Variants in GRIP1 observed in about 807,000 individuals in gnomAD.
The protein encoded by GRIP1 is glutamate receptor-interacting protein 1.
Under a neutral mutation model 129.9 loss-of-function variants are expected in GRIP1, and 45 were observed. The ratio of observed to expected loss-of-function variants is 0.35; its 90% CI spans 0.27 to 0.44. GRIP1 has a LOEUF of 0.44. Among genes scored for constraint, GRIP1 ranks in the 20% least tolerant of loss-of-function variants. The probability of loss-of-function intolerance (pLI) is 1.00; values close to 1 mark genes in which losing one functional copy is unlikely to be tolerated. For synonymous variants in GRIP1, 530 were observed against 520.8 expected, an observed-to-expected ratio of 1.02 and a Z score of -0.24; for missense variants, 1,196 against 1,396.8, an observed-to-expected ratio of 0.86 and a Z score of 2.29.
At chr12:66,452,517 C>T (rs1458520261) in intron 11 of GRIP1, among the ~76,000 whole-genome samples, 2 of 152,146 alleles carry the variant, frequency 1.3e-5, no homozygotes, top group Non-Finnish European at 2.9e-5. Context: ...GAGAAGATTT[C>T]ATTTTTTTTC....
intron 2 of GRIP1, among the ~76,000 whole-genome samples, chr12:66,555,190 T>G (rs892911796): frequency 3.3e-5 from 5 of 152,146 alleles, no homozygotes; most frequent in Non-Finnish European, 5.9e-5. Context: ...CATCTCCAGG[T>G]GGCTCAGCAC....
At chr12:66,849,490 C>T (rs2039874227) in intron 1 of GRIP1, among the ~76,000 whole-genome samples, 1 of 152,078 alleles carries the variant, frequency 6.6e-6, no homozygotes, top group Non-Finnish European at 1.5e-5. Context: ...TGGCTCATTC[C>T]TGTAATCCAA....
chr12:66,474,256 T>C (rs1014567879), intron 7 of GRIP1, among the ~76,000 whole-genome samples: 2 of 151,658 alleles, frequency 1.3e-5, no homozygotes, highest in African/African-American at 4.8e-5. Flanking sequence ...CTTAATGAAA[T>C]AAAGTGTGAA....
At chr12:66,682,107 T>C (rs1437185033), upstream of GRIP1, among the ~76,000 whole-genome samples, 1 of 152,164 alleles carries the variant, frequency 6.6e-6, no homozygotes, top group East Asian at 1.9e-4. Context: ...TCTCCTCTTG[T>C]TTTTCACTGC....
intron 1 of GRIP1, among the ~76,000 whole-genome samples, chr12:66,701,549 A>G (rs2035354507): frequency 6.6e-6 from 1 of 152,172 alleles, no homozygotes; most frequent in African/African-American, 2.4e-5. Flanking sequence ...AATAACTGCA[A>G]GCTCTTTAGG....
Position 66,371,877 on chromosome 12 carries a change from T to C in GRIP1, c.2829A>G (p.Thr943=), listed in dbSNP as rs746580342. 92 of 1,613,246 alleles carry C rather than the reference T, an allele frequency of 5.7e-5. No homozygotes were observed. Among genetic ancestry groups the C allele is most frequent in the Non-Finnish European group, 7.5e-5 (88 of 1,179,964 alleles). The change falls in exon 23 of 25, where the codon ACA becomes ACG. Residue 943 remains threonine, a synonymous_variant. Coordinates refer to ENST00000359742, the MANE Select transcript of GRIP1 (RefSeq NM_001366722.1). ...CCTGTCGCCCCAGCTGACTGCGAGG[T>C]GTTGGAGCCTCATGATTCAAACTCA... ...STMSLNHEAP[T]PRSQLGRQAS... is the part of the protein sequence containing the mutation.
intron 1 of GRIP1, among the ~76,000 whole-genome samples, chr12:66,947,139 G>A (rs2041685358): frequency 6.6e-6 from 1 of 152,062 alleles, no homozygotes; most frequent in South Asian, 2.1e-4. Context: ...TTAGACGGAG[G>A]CAGACAGGAA....
chr12:66,834,007 C>T (rs1023004910), intron 1 of GRIP1, among the ~76,000 whole-genome samples: 19 of 151,922 alleles, frequency 1.3e-4, no homozygotes, highest in African/African-American at 4.6e-4. Context: ...GAAACCCCGT[C>T]TCTACTAAAA....
intron 1 of GRIP1, among the ~76,000 whole-genome samples, chr12:66,917,388 A>G (rs1342642566): frequency 6.6e-6 from 1 of 152,200 alleles, no homozygotes; most frequent in Non-Finnish European, 1.5e-5. Context: ...CACTTCCCTC[A>G]ATCCAGGAAT....
intron 1 of GRIP1, among the ~76,000 whole-genome samples, chr12:66,829,676 C>T (rs1383399226): frequency 6.6e-6 from 1 of 152,120 alleles, no homozygotes; most frequent in Non-Finnish European, 1.5e-5. Context: ...AGTAGATTCC[C>T]ATTTGTGTGG....
rs529695665 is a variant in GRIP1, at chr12:66,909,520, G to A, written c.58+159530C>T. ...AAAGATGTTTTCATTATCAGCTCAC[G>A]TGGTCAGTTTAAGGCTTCTTCCCTG... On this transcript the variant is annotated intron_variant, in intron 1 of 1. Transcript: ENST00000643019. Among the ~76,000 whole-genome samples the A allele has an allele frequency of 7.4e-4, 113 of 152,304 alleles. 1 individual carries two copies. The highest frequency in any genetic ancestry group is 1.7e-3 in the East Asian group (9 of 5,188).
chr12:67,054,730 C>T (rs984422458), intron 1 of GRIP1, among the ~76,000 whole-genome samples: 1 of 150,734 alleles, frequency 6.6e-6, no homozygotes, highest in African/African-American at 2.5e-5. Flanking sequence ...CACCACTGCA[C>T]TCCAGACTGG....
intron 2 of GRIP1, among the ~76,000 whole-genome samples, chr12:66,546,573 G>A (rs182960853): frequency 1.6e-4 from 25 of 152,238 alleles, no homozygotes; most frequent in East Asian, 9.6e-4. Context: ...CCCAGGAATA[G>A]ACTCGCACAA....
At chr12:66,795,859 G>T (rs1233930934) in intron 1 of GRIP1, among the ~76,000 whole-genome samples, 1 of 152,020 alleles carries the variant, frequency 6.6e-6, no homozygotes, top group Non-Finnish European at 1.5e-5. Flanking sequence ...GAGTGCACTT[G>T]AAAGACTAGG....
intron 1 of GRIP1, among the ~76,000 whole-genome samples, chr12:66,990,395 T>C (rs1342297062): frequency 1.3e-5 from 2 of 152,352 alleles, no homozygotes; most frequent in South Asian, 2.1e-4. Context: ...ACTGACTAGG[T>C]TCCAGCTCTG....
chr12:66,972,455 T>A (rs145093110), intron 1 of GRIP1, among the ~76,000 whole-genome samples: 3 of 152,310 alleles, frequency 2.0e-5, no homozygotes, highest in Admixed American at 1.3e-4. Flanking sequence ...CTTACAAAGA[T>A]ATAACAGTCC....
At chr12:66,885,513 A>C (rs891158954) in intron 1 of GRIP1, among the ~76,000 whole-genome samples, 13 of 152,342 alleles carry the variant, frequency 8.5e-5, no homozygotes, top group African/African-American at 2.9e-4. Context: ...AAAATTCAGC[A>C]CCAGGAAAAA....
chr12:66,412,831 C>A (rs2057450744), intron 15 of GRIP1, among the ~76,000 whole-genome samples: 1 of 152,066 alleles, frequency 6.6e-6, no homozygotes, highest in Non-Finnish European at 1.5e-5. Context: ...GCAGAGCCTG[C>A]ACTCCTAATT....
intron 22 of GRIP1, among the ~76,000 whole-genome samples, chr12:66,372,814 T>C (rs973807613): frequency 4.6e-5 from 7 of 152,070 alleles, no homozygotes; most frequent in African/African-American, 1.2e-4. Context: ...TTTCTCATGG[T>C]TGGAGAATGC....
Sources: allele counts gnomAD v4.1 joint callset (sites outside exome capture counted in the v4.1 genomes callset), GRCh38; gene constraint gnomAD v4.1.1; transcripts MANE v1.5; gene names NCBI Gene and HGNC (gene_info 2026-07-23, HGNC 2026-07-21).